Variants in BANK1 observed in about 807,000 individuals in gnomAD.
The protein encoded by BANK1 is B-cell scaffold protein with ankyrin repeats.
Under a neutral mutation model 94.5 loss-of-function variants are expected in BANK1, and 95 were observed. That is an observed-to-expected ratio of 1.00 (90% confidence interval 0.85 to 1.19). The LOEUF is 1.19. Ranked by LOEUF, BANK1 falls within the 50% of genes most tolerant of loss-of-function variation. BANK1 has a pLI of 0.00. For missense variants in BANK1, 987 were observed against 932.2 expected (o/e 1.06, Z -0.77); for synonymous variants, 334 against 308.4 (o/e 1.08, Z -0.87).
At chr4:101,908,587 A>G (rs1722548387) in intron 6 of BANK1, among the ~76,000 whole-genome samples, 1 of 152,256 alleles carries the variant, frequency 6.6e-6, no homozygotes, top group African/African-American at 2.4e-5. Context: ...GCTTCTGCAC[A>G]GCAAAAGAAA....
At position 101,884,916 on chromosome 4, in the gene BANK1, G is replaced by GT. The variant is rs71596349; in HGVS notation, c.904-10382dup. On this transcript the variant is annotated intron_variant, in intron 5 of 16. Transcript: ENST00000322953. ...TTTGTTTGTTTGTTTGTTTTGTTTT[G>GT]TTTTTTTCTGAGACGGAGTTTCACT... is the stretch of plus-strand genomic sequence containing the variant. Among the ~76,000 whole-genome samples, 549 of 152,032 alleles carry GT rather than the reference G, an allele frequency of 3.6e-3. 3 individuals carry two copies. The highest frequency in any genetic ancestry group is 0.01 in the Middle Eastern group (3 of 294).
At chr4:101,791,007 C>T in intron 1 of BANK1, 57 bp downstream of exon 1, 1 of 1,348,810 alleles carries the variant, frequency 7.4e-7, no homozygotes, top group African/African-American at 1.5e-5. Context: ...CGGGGCTCTG[C>T]GGAGACCACG....
chr4:102,008,121 A>G (rs1400151342), intron 7 of BANK1, among the ~76,000 whole-genome samples: 1 of 152,182 alleles, frequency 6.6e-6, no homozygotes, highest in Admixed American at 6.5e-5. Flanking sequence ...TGACAGGGAA[A>G]GATAGCACCA....
At chr4:102,001,372 T>A (rs2148936643) in intron 7 of BANK1, among the ~76,000 whole-genome samples, 1 of 152,242 alleles carries the variant, frequency 6.6e-6, no homozygotes, top group East Asian at 1.9e-4. Context: ...GAGGCCGAGA[T>A]GGGCGGATCA....
At chr4:102,023,257 A>G (rs1378403525) in intron 8 of BANK1, among the ~76,000 whole-genome samples, 1 of 152,204 alleles carries the variant, frequency 6.6e-6, no homozygotes, top group African/African-American at 2.4e-5. Flanking sequence ...TACTTTGGCA[A>G]AATTAGTAAA....
In BANK1 at chr4:102,019,944, G is replaced by C. The variant is rs181579648; in HGVS notation, c.1207-1570G>C. ...GGCAGATTCTTTTGAGACATTATTG[G>C]GTTCAGGGTATTTGGCTTTTTGTAC... On this transcript the variant is annotated intron_variant, in intron 7 of 16. Transcript: ENST00000322953. 8.6e-5 allele frequency among the ~76,000 whole-genome samples: 13 copies of C among 152,034 alleles called. No individual in the cohort carries two copies. The East Asian group carries it at 2.1e-3, about 25-fold the overall frequency.
At chr4:101,862,491 C>A in intron 3 of BANK1, 35 bp from the exon 4 acceptor site, 1 of 1,554,962 alleles carries the variant, frequency 6.4e-7, no homozygotes, top group Non-Finnish European at 8.7e-7. Flanking sequence ...TAAACTTTTC[C>A]AAATGCTTAA....
chr4:102,070,547 G>T (rs1418607908), intron 13 of BANK1, among the ~76,000 whole-genome samples: 1 of 152,158 alleles, frequency 6.6e-6, no homozygotes, highest in Non-Finnish European at 1.5e-5. Context: ...GCCTCTGCCT[G>T]GCACCTGTGA....
intron 7 of BANK1, among the ~76,000 whole-genome samples, chr4:101,922,762 G>C (rs971885424): frequency 8.6e-5 from 13 of 151,792 alleles, no homozygotes; most frequent in African/African-American, 2.9e-4. Flanking sequence ...TGTTCTGTTA[G>C]AATTGAAGAA....
At chr4:101,961,755 A>G (rs1578423063) in intron 7 of BANK1, among the ~76,000 whole-genome samples, 1 of 152,184 alleles carries the variant, frequency 6.6e-6, no homozygotes. Context: ...AAAGAGAGAA[A>G]GTAAATACAG....
intron 7 of BANK1, among the ~76,000 whole-genome samples, chr4:101,946,421 G>C (rs1456394005): frequency 6.6e-6 from 1 of 151,948 alleles, no homozygotes; most frequent in African/African-American, 2.4e-5. Flanking sequence ...AAGCCGAGCA[G>C]AGAAAGTTCT....
chr4:101,926,995 A>T (rs1169026913), intron 7 of BANK1, among the ~76,000 whole-genome samples: 1 of 151,752 alleles, frequency 6.6e-6, no homozygotes, highest in Non-Finnish European at 1.5e-5. Context: ...CTGTATAGGT[A>T]ATGATGAGAA....
intron 5 of BANK1, among the ~76,000 whole-genome samples, chr4:101,886,834 C>T (rs1454767643): frequency 6.6e-6 from 1 of 151,746 alleles, no homozygotes; most frequent in Non-Finnish European, 1.5e-5. Context: ...ATTAAGAAAA[C>T]TTTTATCAGA....
chr4:101,944,026 G>GTT (rs1723842117), intron 7 of BANK1, among the ~76,000 whole-genome samples: 3 of 147,290 alleles, frequency 2.0e-5, no homozygotes, highest in Non-Finnish European at 4.5e-5. Flanking sequence ...GTGTGTTTGT[G>GTT]TGTGTGTGTG....
chr4:101,872,250 G>C (rs1020815906), intron 5 of BANK1, among the ~76,000 whole-genome samples: 2 of 152,094 alleles, frequency 1.3e-5, no homozygotes, highest in African/African-American at 4.8e-5. Context: ...GGCAAGGAGA[G>C]ACATTAAGAG....
intron 2 of BANK1, among the ~76,000 whole-genome samples, chr4:101,836,595 G>A (rs2148865980): frequency 6.6e-6 from 1 of 152,258 alleles, no homozygotes. Context: ...TTTAAGTACA[G>A]ATTTATAAAT....
At chr4:101,860,164 G>A (rs1727814191) in intron 3 of BANK1, among the ~76,000 whole-genome samples, 1 of 152,182 alleles carries the variant, frequency 6.6e-6, no homozygotes, top group Non-Finnish European at 1.5e-5. Flanking sequence ...AAGCCCAGCT[G>A]CCTAGTTTAC....
chr4:102,007,081 A>T (rs1330941348), intron 7 of BANK1, among the ~76,000 whole-genome samples: 7 of 64,902 alleles, frequency 1.1e-4, no homozygotes, highest in East Asian at 3.1e-4. Context: ...TATATATATA[A>T]ATATATATAT....
intron 6 of BANK1, 140 bp downstream of exon 6, chr4:101,895,550 A>G: frequency 3.7e-6 from 2 of 536,200 alleles, no homozygotes; most frequent in Non-Finnish European, 3.3e-6. Flanking sequence ...TCCTGGTGAA[A>G]GGGTACATTA....
Sources: gnomAD v4.1 joint callset for allele counts (sites outside exome capture counted in the v4.1 genomes callset) on GRCh38, gnomAD v4.1.1 for gene constraint, MANE v1.5 for transcripts, NCBI Gene and HGNC (gene_info 2026-07-23, HGNC 2026-07-21) for gene names.